Variants in AATK observed in about 807,000 individuals in gnomAD.
The protein encoded by AATK is lemur tail kinase 1.
In AATK, 91 loss-of-function variants were observed where a neutral mutation model predicts 114.3. That is an observed-to-expected ratio of 0.80 (90% CI 0.67 to 0.95). The LOEUF (loss-of-function observed/expected upper bound fraction) is 0.95, where lower values mean the gene tolerates loss of function less well. Ranked by LOEUF, AATK falls within the 40% of genes least tolerant of loss-of-function variation. The pLI, the probability that AATK is intolerant of heterozygous loss-of-function variation, is 0.00. For missense variants in AATK, 2,176 were observed against 1,965.2 expected, an observed-to-expected ratio of 1.11 and a Z score of -2.03; for synonymous variants, 1,075 against 916.5, an observed-to-expected ratio of 1.17 and a Z score of -3.12.
intron 1 of AATK, among the ~76,000 whole-genome samples, chr17:81,146,197 A>G (rs1286129303): frequency 6.6e-6 from 1 of 151,240 alleles, no homozygotes; most frequent in Non-Finnish European, 1.5e-5. Flanking sequence ...TTAAAAAAAA[A>G]AAAAAAAGAA....
intron 1 of AATK, among the ~76,000 whole-genome samples, chr17:81,156,072 T>C (rs2061357825): frequency 6.8e-6 from 1 of 147,896 alleles, no homozygotes; most frequent in Admixed American, 6.6e-5. Context: ...TAATGTATGT[T>C]ACTATGTTAC....
At chr17:81,162,434 C>T (rs1462006277) in intron 1 of AATK, among the ~76,000 whole-genome samples, 1 of 152,148 alleles carries the variant, frequency 6.6e-6, no homozygotes, top group Non-Finnish European at 1.5e-5. Flanking sequence ...GAGACTGAAG[C>T]AGCAGCTGCC....
At position 81,123,531 on chromosome 17, in the gene AATK, G is replaced by A. The variant is rs578166756; in HGVS notation, c.963-188C>T. On this transcript the variant is annotated intron_variant, in intron 9 of 13. Coordinates refer to ENST00000326724, the MANE Select transcript of AATK (RefSeq NM_001080395.3). ...CCTTTCAGCAGGCAATGTGCACCCT[G>A]CCAGGCCCAAGCCCAGCACCTGTGG... 2.6e-5 allele frequency among the ~76,000 whole-genome samples: 4 copies of A among 152,276 alleles called. No homozygotes were observed. In the East Asian group the frequency reaches 7.7e-4, roughly 29 times the overall value.
rs1288609666 is a variant in AATK at position 81,119,496 on chromosome 17, G to A, written c.3968C>T (p.Ala1323Val). The stretch of plus-strand genomic sequence containing the variant: ...GGGCGTGGGCGTGGGCGCAGCCGGG[G>A]CGGGTGCGGCCGGGTCTAGGGCCAT... ...FAMALDPAAP[A>V]PAAPTPTPAP... The change falls in exon 13 of 14, where the codon GCC becomes GTC. Residue 1323 changes from alanine (A) to valine (V), a missense_variant. Coordinates refer to ENST00000326724, the MANE Select transcript of AATK (RefSeq NM_001080395.3). 6.6e-7 allele frequency: 1 copy of A among 1,523,314 alleles called. No homozygotes were observed. Among genetic ancestry groups the A allele is most frequent in the Non-Finnish European group, 8.8e-7 (1 of 1,138,362 alleles). 94.4% of individuals were successfully genotyped at this position (1,523,314 alleles called of 1,614,324 possible).
At chr17:81,139,498 C>A (rs1259504332) in intron 1 of AATK, among the ~76,000 whole-genome samples, 1 of 152,268 alleles carries the variant, frequency 6.6e-6, no homozygotes, top group Admixed American at 6.5e-5. Flanking sequence ...CACTGTTCAA[C>A]CCTCTGCTAC....
intron 1 of AATK, among the ~76,000 whole-genome samples, chr17:81,143,894 T>C (rs1255868178): frequency 6.6e-6 from 1 of 152,214 alleles, no homozygotes; most frequent in Non-Finnish European, 1.5e-5. Context: ...CCCCACATGC[T>C]AGCTCAGTCT....
In AATK at chr17:81,118,201, CTGG is replaced by C; in HGVS notation, c.*198_*200del. On this transcript the variant is annotated 3_prime_UTR_variant, in exon 14 of 14. Coordinates refer to ENST00000326724, the MANE Select transcript of AATK (RefSeq NM_001080395.3). ...CTAAAAGCCCAGACGAATTCTGCCTCTGGGGCGGAGCATGGCCGATCTACCATC... is the reference window on the plus strand; with the variant it reads ...CTAAAAGCCCAGACGAATTCTGCCTCGGCGGAGCATGGCCGATCTACCATC... 1 of 592,142 alleles carries C rather than the reference CTGG, an allele frequency of 1.7e-6. No individual in the cohort carries two copies. The highest frequency in any genetic ancestry group is 2.1e-5 in the South Asian group (1 of 46,564). The allele number at this position is 592,142 out of a possible 1,614,324, so 36.7% of individuals were successfully genotyped here. A position where few individuals can be genotyped will look rare whatever the true frequency, so the allele number is the denominator to read the frequency against.
chr17:81,126,612 C>CT lies in AATK; in HGVS notation c.622-53dup. 1 of 1,510,898 alleles carries CT rather than the reference C, an allele frequency of 6.6e-7. No homozygotes were observed. Among genetic ancestry groups the CT allele is most frequent in the African/African-American group, 1.4e-5 (1 of 72,356 alleles). The allele number at this position is 1,510,898 out of a possible 1,614,324, so 93.6% of individuals were successfully genotyped here. On this transcript the variant is annotated intron_variant, in intron 6 of 13. Coordinates refer to ENST00000326724, the MANE Select transcript of AATK (RefSeq NM_001080395.3). This position sits in a 1 kb window ranked among gnomAD's most constrained non-coding sequence, Gnocchi z 5.1. ...ACCAGCAGGCTGGGGGCTGGCCACC[C>CT]TGGGAGGTCCCCACCTACCTCCCCA...
chr17:81,165,546 G>A lies in AATK; in HGVS notation c.55+392C>T. 5 of 981,476 alleles carry A rather than the reference G, an allele frequency of 5.1e-6. No homozygotes were observed. In the South Asian group the frequency reaches 5.5e-5, roughly 11 times the overall value. The allele number at this position is 981,476 out of a possible 1,614,324, so 60.8% of individuals were successfully genotyped here. ...CTGGGAAGAAGCCTCCCACGCCAGG[G>A]CCCCGGACCCAGGAGAGGCCATGGA... On this transcript the variant is annotated intron_variant, in intron 1 of 13. Coordinates refer to ENST00000326724, the MANE Select transcript of AATK (RefSeq NM_001080395.3).
At chr17:81,132,875 T>C in intron 2 of AATK, 1 of 239,718 alleles carries the variant, frequency 4.2e-6, no homozygotes, top group African/African-American at 2.3e-5. Flanking sequence ...CCCAAGGAGG[T>C]GAGGAGGGCG....
chr17:81,124,536 G>A (rs924018764), intron 9 of AATK, among the ~76,000 whole-genome samples, 191 bp downstream of exon 9: 45 of 152,324 alleles, frequency 3.0e-4, no homozygotes, highest in African/African-American at 1.1e-3. Flanking sequence ...GGTCCCTGGG[G>A]CACCCTGTCA....
rs1288601094 is a variant in AATK, at chr17:81,117,596, CCTT to C, written c.*803_*805del. 6.6e-6 allele frequency: 1 copy of C among 152,298 alleles called. No homozygotes were observed. The highest frequency in any genetic ancestry group is 1.5e-5 in the Non-Finnish European group (1 of 68,100). The allele number at this position is 152,298 out of a possible 1,614,324, so 9.4% of individuals were successfully genotyped here. ...GACTGCGGGGCATGGCCCCCACTCT[CCTT>C]TGGCAGCTGGGGCACAGGACCAGAT... is the stretch of plus-strand genomic sequence containing the variant. On this transcript the variant is annotated 3_prime_UTR_variant, in exon 14 of 14. Coordinates refer to ENST00000326724, the MANE Select transcript of AATK (RefSeq NM_001080395.3).
intron 1 of AATK, among the ~76,000 whole-genome samples, chr17:81,146,188 TAAA>T (rs34197372): frequency 8.0e-6 from 1 of 124,640 alleles, no homozygotes. Context: ...GACTCCATAT[TAAA>T]AAAAAAAAAA....
In AATK at chr17:81,121,320, G is replaced by T. The variant is rs373775661; in HGVS notation, c.2616C>A (p.Thr872=). The T allele has an allele frequency of 1.2e-6, 2 of 1,611,262 alleles. No individual in the cohort carries two copies. The highest frequency in any genetic ancestry group is 1.3e-5 in the African/African-American group (1 of 74,412). The change falls in exon 11 of 14, where the codon ACC becomes ACA. Residue 872 remains threonine (T), a synonymous_variant. Coordinates refer to ENST00000326724, the MANE Select transcript of AATK (RefSeq NM_001080395.3). ...CCTGCAGGCCGTCGCTGGACGTGTCGGTGAAGATGCCTGAGGTGGCCTCGG... is the reference window on the plus strand; with the variant it reads ...CCTGCAGGCCGTCGCTGGACGTGTCTGTGAAGATGCCTGAGGTGGCCTCGG... ...DTAEATSGIF[T]DTSSDGLQAR...
intron 13 of AATK, 64 bp from the exon 14 acceptor site, chr17:81,118,506 C>T: frequency 6.5e-7 from 1 of 1,547,184 alleles, no homozygotes; most frequent in African/African-American, 1.4e-5. Flanking sequence ...TCCCCCGCAA[C>T]TCCCACCTGG....
At position 81,151,183 on chromosome 17, in the gene AATK, G is replaced by A. The variant is rs571127633; in HGVS notation, c.55+14755C>T. 9.7e-4 allele frequency among the ~76,000 whole-genome samples: 148 copies of A among 152,214 alleles called. 2 individuals carry two copies. In the South Asian group the frequency reaches 0.029, roughly 30 times the overall value. On this transcript the variant is annotated intron_variant, in intron 1 of 13. Coordinates refer to ENST00000326724, the MANE Select transcript of AATK (RefSeq NM_001080395.3). ...CCAGACACAGAACATTCTGAGGAAC[G>A]GAATTCCTAAGCAGAGACACAGAGT...
rs375037434 is a variant in AATK, at chr17:81,128,487, G to A, written c.397C>T (p.Arg133Cys). ...HSLLYLKEIG[R>C]GWFGKVFLGE... ...ACACGTACCTTCCCGAACCAGCCAC[G>A]GCCGATTTCCTTCAGGTACAGGAGG... Residue 133 changes from arginine (R) to cysteine (C), a missense_variant, in exon 4 of 14, where the codon CGT becomes TGT. Physicochemically the swap from Arg to Cys is radical, Grantham distance 180. Coordinates refer to ENST00000326724, the MANE Select transcript of AATK (RefSeq NM_001080395.3). 9.7e-6 allele frequency: 15 copies of A among 1,549,104 alleles called. No individual in the cohort carries two copies. The highest frequency in any genetic ancestry group is 8.2e-5 in the African/African-American group (6 of 72,964).
chr17:81,122,394 G>A lies in AATK; in HGVS notation c.1542C>T (p.Gly514=), dbSNP rs1410155385. ...TGTGCGCGCTGAGCACCGGAACCAC[G>A]CCCGGGGGCGCGCCGTCGGGGGCGC... The part of the protein sequence containing the change: ...ELCAPDGAPP[G]VVPVLSAHSP... The change falls in exon 11 of 14, where the codon GGC becomes GGT. Residue 514 remains glycine (G), a synonymous_variant. Transcript: ENST00000326724. 48 of 1,476,786 alleles carry A rather than the reference G, an allele frequency of 3.3e-5. No homozygotes were observed. The highest frequency in any genetic ancestry group is 4.0e-5 in the Non-Finnish European group (45 of 1,117,986). 91.5% of individuals were successfully genotyped at this position (1,476,786 alleles called of 1,614,324 possible).
Position 81,122,397 on chromosome 17 carries a change from CG to C in AATK, c.1538del (p.Pro513ArgfsTer22). On this transcript the variant is annotated frameshift_variant, in exon 11 of 14. Coordinates refer to ENST00000326724, the MANE Select transcript of AATK (RefSeq NM_001080395.3). LOFTEE classifies it high-confidence loss of function. Reference sequence around the variant, plus strand: ...GCGCGCTGAGCACCGGAACCACGCCCGGGGGCGCGCCGTCGGGGGCGCACAG... The same window carrying C: ...GCGCGCTGAGCACCGGAACCACGCCCGGGGCGCGCCGTCGGGGGCGCACAG... Reference protein sequence around the residue: ...QELCAPDGAPPGVVPVLSAHS... With the variant: ...QELCAPDGAPXGVVPVLSAHS... The C allele has an allele frequency of 4.1e-6, 6 of 1,474,880 alleles. No individual in the cohort carries two copies. In the Admixed American group the frequency reaches 7.0e-5, roughly 17 times the overall value. The allele number at this position is 1,474,880 out of a possible 1,614,324, so 91.4% of individuals were successfully genotyped here.
Sources: gnomAD v4.1 joint callset for allele counts (sites outside exome capture counted in the v4.1 genomes callset) on GRCh38, gnomAD v4.1.1 for gene constraint, Gnocchi (gnomAD v3.1) non-coding constraint, MANE v1.5 for transcripts, NCBI Gene and HGNC (gene_info 2026-07-23, HGNC 2026-07-21) for gene names.